FRMD4A: variants seen among roughly 807,000 people sequenced by gnomAD.
The protein encoded by FRMD4A is FERM domain containing 4A.
A neutral mutation model predicts 129.1 loss-of-function variants in FRMD4A; 29 were observed. The observed-to-expected ratio is 0.22, with a 90% confidence interval of 0.17 to 0.31. The LOEUF (loss-of-function observed/expected upper bound fraction) is 0.31. FRMD4A is among the 10% of genes least tolerant of loss of function. The pLI, the probability that FRMD4A is intolerant of heterozygous loss-of-function variation, is 1.00. For synonymous variants in FRMD4A, 634 were observed against 571.6 expected (o/e 1.11, Z -1.56); for missense variants, 1,272 against 1,375.8 (o/e 0.92, Z 1.19).
intron 3 of FRMD4A, among the ~76,000 whole-genome samples, chr10:13,824,567 T>C (rs1250426910): frequency 6.6e-6 from 1 of 151,530 alleles, no homozygotes; most frequent in Non-Finnish European, 1.5e-5. Flanking sequence ...CAATATAGTA[T>C]AACAACTATA....
intron 2 of FRMD4A, among the ~76,000 whole-genome samples, chr10:13,973,512 T>C (rs990324606): frequency 1.3e-5 from 2 of 152,264 alleles, no homozygotes; most frequent in Admixed American, 1.3e-4. Flanking sequence ...CTTTTTTGGA[T>C]AGTTTTATCA....
chr10:13,917,788 G>C (rs1264383603), intron 2 of FRMD4A, among the ~76,000 whole-genome samples: 4 of 152,154 alleles, frequency 2.6e-5, no homozygotes, highest in Non-Finnish European at 4.4e-5. Flanking sequence ...CCCGGCAAAG[G>C]GGACAGGAAA....
chr10:14,191,825 C>CTCTCTCTCT, intron 2 of FRMD4A, among the ~76,000 whole-genome samples: 1 of 139,120 alleles, frequency 7.2e-6, no homozygotes. Context: ...CTCTCTCTCT[C>CTCTCTCTCT]CTGGCAAATG....
At chr10:14,256,344 G>T (rs959796824) in intron 2 of FRMD4A, among the ~76,000 whole-genome samples, 4 of 152,112 alleles carry the variant, frequency 2.6e-5, no homozygotes, top group African/African-American at 9.7e-5. Flanking sequence ...AATTCAAAAA[G>T]TGACAGTTCT....
At chr10:14,142,151 GT>G (rs369195679) in intron 2 of FRMD4A, among the ~76,000 whole-genome samples, 101 of 148,254 alleles carry the variant, frequency 6.8e-4, no homozygotes, top group Admixed American at 1.7e-3. Flanking sequence ...AAACAAAAAA[GT>G]TTTTTTTTTG....
intron 2 of FRMD4A, among the ~76,000 whole-genome samples, chr10:13,990,393 G>A (rs151083023): frequency 1.1e-4 from 16 of 152,320 alleles, no homozygotes; most frequent in African/African-American, 3.4e-4. Context: ...GCCCAGAGAC[G>A]TGCCTTCCTC....
intron 2 of FRMD4A, among the ~76,000 whole-genome samples, chr10:14,293,370 T>C (rs1025035169): frequency 5.9e-5 from 9 of 152,130 alleles, no homozygotes; most frequent in Non-Finnish European, 1.3e-4. Flanking sequence ...CTTCCCAGCC[T>C]CCAGAACTGT....
At chr10:13,769,799 C>A (rs1190182472) in intron 6 of FRMD4A, among the ~76,000 whole-genome samples, 2 of 152,180 alleles carry the variant, frequency 1.3e-5, no homozygotes, top group East Asian at 3.9e-4. Context: ...ATTTTTCTTT[C>A]TTTCTTTTTG....
intron 2 of FRMD4A, among the ~76,000 whole-genome samples, chr10:14,305,776 C>T (rs2132096877): frequency 6.6e-6 from 1 of 152,228 alleles, no homozygotes; most frequent in East Asian, 1.9e-4. Context: ...TACATACACA[C>T]CAGGGAATAC....
At chr10:13,686,570 T>G (rs751243660) in intron 15 of FRMD4A, among the ~76,000 whole-genome samples, 3 of 152,200 alleles carry the variant, frequency 2.0e-5, no homozygotes, top group Non-Finnish European at 4.4e-5. Context: ...ACCTGTTTTC[T>G]CCCAGAACAG....
intron 2 of FRMD4A, among the ~76,000 whole-genome samples, chr10:14,288,044 G>T (rs895393747): frequency 6.6e-6 from 1 of 151,314 alleles, no homozygotes. Flanking sequence ...GACTTTCTAC[G>T]GTGAAGAGAT....
At chr10:13,790,378 C>T (rs76138412) in intron 5 of FRMD4A, among the ~76,000 whole-genome samples, 9,184 of 152,186 alleles carry the variant, frequency 0.06, 936 homozygotes, top group African/African-American at 0.21. Context: ...GGGCAGAGGA[C>T]GGAGAGTCTC....
intron 2 of FRMD4A, among the ~76,000 whole-genome samples, chr10:14,019,147 G>C (rs749546529): frequency 1.3e-5 from 2 of 152,090 alleles, no homozygotes; most frequent in Non-Finnish European, 2.9e-5. Flanking sequence ...AGACAGTCAC[G>C]CAAGAGACCA....
intron 11 of FRMD4A, among the ~76,000 whole-genome samples, 180 bp from the exon 12 acceptor site, chr10:13,738,110 T>G (rs2090753692): frequency 6.6e-6 from 1 of 152,156 alleles, no homozygotes; most frequent in Non-Finnish European, 1.5e-5. Flanking sequence ...TACTCTGTTA[T>G]GTGAAGAGGG....
At chr10:13,748,020 C>T (rs188966442) in intron 8 of FRMD4A, among the ~76,000 whole-genome samples, 7 of 152,286 alleles carry the variant, frequency 4.6e-5, no homozygotes, top group African/African-American at 1.2e-4. Context: ...GCCCAGTAAC[C>T]GCCTTTCACC....
intron 3 of FRMD4A, among the ~76,000 whole-genome samples, chr10:13,834,487 T>C (rs2093842464): frequency 6.6e-6 from 1 of 152,168 alleles, no homozygotes; most frequent in Admixed American, 6.5e-5. Flanking sequence ...TGGTGAGATA[T>C]CAAGCCCCTT....
rs1037465915 is a variant in FRMD4A at position 13,821,200 on chromosome 10, G to A, written c.112-10292C>T. On this transcript the variant is annotated intron_variant, in intron 3 of 24. Coordinates refer to ENST00000357447, the MANE Select transcript of FRMD4A (RefSeq NM_018027.5). This position sits in a 1 kb window ranked among gnomAD's most constrained non-coding sequence, Gnocchi z 4.3. ...TGTGTGGCCAGCAGGTCTGGGCGGC[G>A]ACTCCCCTCCTTGTCGCCCTGCTGC... Among the ~76,000 whole-genome samples, 1 of 152,096 alleles carries A rather than the reference G, an allele frequency of 6.6e-6. No homozygotes were observed. The highest frequency in any genetic ancestry group is 2.4e-5 in the African/African-American group (1 of 41,426).
At chr10:13,956,309 C>T (rs573354882) in intron 2 of FRMD4A, among the ~76,000 whole-genome samples, 3 of 152,258 alleles carry the variant, frequency 2.0e-5, no homozygotes, top group Admixed American at 6.5e-5. Flanking sequence ...TGAGCCACCA[C>T]ACCCGGCTAA....
chr10:13,684,297 A>T, intron 15 of FRMD4A: 1 of 968,794 alleles, frequency 1.0e-6, no homozygotes, highest in Non-Finnish European at 1.2e-6. Flanking sequence ...CCATCCAAGC[A>T]GAGAGAGAGA....
Sources: allele counts gnomAD v4.1 joint callset (sites outside exome capture counted in the v4.1 genomes callset), GRCh38; gene constraint gnomAD v4.1.1; non-coding constraint Gnocchi (gnomAD v3.1); transcripts MANE v1.5; gene names NCBI Gene and HGNC (gene_info 2026-07-23, HGNC 2026-07-21).